EYS: variants seen among roughly 807,000 people sequenced by gnomAD.
The protein encoded by EYS is EGF-like photoreceptor maintenance factor.
A neutral mutation model predicts 282.1 loss-of-function variants in EYS; 250 were observed. That is an observed-to-expected ratio of 0.89 (90% CI 0.80 to 0.98). The LOEUF is 0.98. Among genes scored for constraint, EYS ranks in the 50% least tolerant of loss-of-function variants. The probability of loss-of-function intolerance (pLI) is 0.00; values close to 1 mark genes in which losing one functional copy is unlikely to be tolerated. For missense variants in EYS, 4,016 were observed against 3,709.0 expected, an observed-to-expected ratio of 1.08 and a Z score of -2.15; for synonymous variants, 1,355 against 1,282.9, an observed-to-expected ratio of 1.06 and a Z score of -1.20.
intron 16 of EYS, among the ~76,000 whole-genome samples, chr6:64,910,637 A>G (rs1222525337): frequency 6.6e-6 from 1 of 152,060 alleles, no homozygotes; most frequent in East Asian, 1.9e-4. Flanking sequence ...CTAAGGGGAA[A>G]TAAGATTACA....
intron 19 of EYS, among the ~76,000 whole-genome samples, chr6:64,882,864 T>A (rs960212449): frequency 6.6e-6 from 1 of 151,162 alleles, no homozygotes; most frequent in Non-Finnish European, 1.5e-5. Flanking sequence ...ATTTGGGGAG[T>A]CTCCTCAGAC....
chr6:63,984,477 T>A lies in EYS; in HGVS notation c.6961A>T (p.Ile2321Phe). The A allele has an allele frequency of 1.9e-6, 3 of 1,549,692 alleles. No individual in the cohort carries two copies. The highest frequency in any genetic ancestry group is 2.6e-6 in the Non-Finnish European group (3 of 1,145,534). The stretch of plus-strand genomic sequence containing the variant: ...TTTCCATGTCGTGCTTCATCGATGA[T>A]GAAGAATTCTTTGTTGTTTACTTGA... The part of the protein sequence containing the change: ...DLQVNNKEFF[I>F]IDEARHGKNI... Residue 2321 changes from isoleucine (I) to phenylalanine (F), a missense_variant, in exon 35 of 43, where the codon ATC becomes TTC. By Grantham distance (21) the Ile-to-Phe change is conservative. Transcript: ENST00000503581.
chr6:64,872,540 CAGA>C (rs1308029618), intron 19 of EYS, among the ~76,000 whole-genome samples: 3 of 152,002 alleles, frequency 2.0e-5, no homozygotes, highest in African/African-American at 7.2e-5. Flanking sequence ...AGTCAAGATG[CAGA>C]AGAAGGAGAC....
intron 22 of EYS, among the ~76,000 whole-genome samples, chr6:64,644,422 G>A (rs1768281013): frequency 6.6e-6 from 1 of 152,072 alleles, no homozygotes; most frequent in Non-Finnish European, 1.5e-5. Flanking sequence ...AGAGTAAGAG[G>A]AATTAAGATA....
At chr6:64,791,087 G>A (rs1331135379) in intron 22 of EYS, among the ~76,000 whole-genome samples, 1 of 151,750 alleles carries the variant, frequency 6.6e-6, no homozygotes, top group African/African-American at 2.4e-5. Flanking sequence ...GGTTTGCATG[G>A]ATTACAGCTT....
chr6:64,977,975 TGAAGCAGCAAGTGACAATA>T (rs1232236610), intron 14 of EYS, among the ~76,000 whole-genome samples: 1 of 151,800 alleles, frequency 6.6e-6, no homozygotes, highest in East Asian at 2.0e-4. Context: ...AAGTACAAGG[TGAAGCAGCAAGTGACAATA>T]GAAGCAGCAA....
chr6:65,675,934 C>G (rs1318043193), intron 1 of EYS, among the ~76,000 whole-genome samples: 1 of 151,598 alleles, frequency 6.6e-6, no homozygotes, highest in East Asian at 1.9e-4. Flanking sequence ...GAAATCAATA[C>G]AAGAAGGAGA....
At chr6:65,147,606 CCTT>C (rs1764511067) in intron 12 of EYS, among the ~76,000 whole-genome samples, 1 of 151,950 alleles carries the variant, frequency 6.6e-6, no homozygotes, top group Admixed American at 6.6e-5. Flanking sequence ...TGTTGTCACT[CCTT>C]CTTGGCCCAT....
intron 19 of EYS, among the ~76,000 whole-genome samples, chr6:64,839,246 G>A (rs1765487793): frequency 6.6e-6 from 1 of 151,880 alleles, no homozygotes; most frequent in African/African-American, 2.4e-5. Flanking sequence ...AGCTAGATTG[G>A]ATACATAAAT....
At chr6:64,820,004 A>T (rs1764853921) in intron 21 of EYS, among the ~76,000 whole-genome samples, 1 of 152,226 alleles carries the variant, frequency 6.6e-6, no homozygotes, top group East Asian at 1.9e-4. Flanking sequence ...GACAAATTAC[A>T]TTCTCCTCAT....
At chr6:64,646,630 C>T (rs578083532) in intron 22 of EYS, among the ~76,000 whole-genome samples, 26 of 151,838 alleles carry the variant, frequency 1.7e-4, no homozygotes, top group Admixed American at 1.6e-3. Flanking sequence ...GGTGAAACCC[C>T]GTCTCTACTA....
At chr6:65,288,390 G>A (rs1337048574) in intron 12 of EYS, among the ~76,000 whole-genome samples, 1 of 150,150 alleles carries the variant, frequency 6.7e-6, no homozygotes, top group Non-Finnish European at 1.5e-5. Flanking sequence ...ATATAGGAAT[G>A]GACAAAGAGG....
intron 31 of EYS, among the ~76,000 whole-genome samples, chr6:64,090,959 T>C (rs993765748): frequency 1.3e-5 from 2 of 152,162 alleles, no homozygotes; most frequent in African/African-American, 4.8e-5. Flanking sequence ...TTATTCTGTT[T>C]AAAGAGTCTT....
intron 22 of EYS, among the ~76,000 whole-genome samples, chr6:64,758,156 G>C (rs79676754): frequency 0.018 from 2,813 of 152,112 alleles, 78 homozygotes; most frequent in African/African-American, 0.062. Flanking sequence ...TCAGTCTTGT[G>C]CTTTGTTCTT....
chr6:64,621,971 A>G (rs753743367), intron 23 of EYS, among the ~76,000 whole-genome samples: 5 of 152,172 alleles, frequency 3.3e-5, no homozygotes, highest in African/African-American at 7.2e-5. Flanking sequence ...TATTTCGGCT[A>G]AAAACACACT....
At chr6:64,955,351 T>C (rs1403123245) in intron 14 of EYS, among the ~76,000 whole-genome samples, 1 of 151,740 alleles carries the variant, frequency 6.6e-6, no homozygotes, top group African/African-American at 2.4e-5. Context: ...AAAAAAAAAT[T>C]CCATATTCAT....
intron 26 of EYS, among the ~76,000 whole-genome samples, chr6:64,490,759 A>C (rs932217940): frequency 2.0e-5 from 3 of 150,874 alleles, no homozygotes; most frequent in Non-Finnish European, 3.0e-5. Context: ...TAATGACTAA[A>C]ATGTTGGGAA....
At chr6:64,965,799 A>C (rs781625901) in intron 14 of EYS, among the ~76,000 whole-genome samples, 2 of 152,168 alleles carry the variant, frequency 1.3e-5, no homozygotes, top group Non-Finnish European at 2.9e-5. Flanking sequence ...CTACCTACAA[A>C]CTATTACTGA....
intron 26 of EYS, among the ~76,000 whole-genome samples, chr6:64,582,415 C>A (rs1766099460): frequency 6.6e-6 from 1 of 152,050 alleles, no homozygotes; most frequent in Non-Finnish European, 1.5e-5. Context: ...CCCTAGCCCC[C>A]CATGGAAAAA....
Sources: gnomAD v4.1 joint callset for allele counts (sites outside exome capture counted in the v4.1 genomes callset) on GRCh38, gnomAD v4.1.1 for gene constraint, MANE v1.5 for transcripts, NCBI Gene and HGNC (gene_info 2026-07-23, HGNC 2026-07-21) for gene names.